NUMA1: variants seen among roughly 807,000 people sequenced by gnomAD.
The protein encoded by NUMA1 is SP-H antigen.
A neutral mutation model predicts 237.1 loss-of-function variants in NUMA1; 62 were observed. The observed-to-expected ratio is 0.26, with a 90% confidence interval of 0.21 to 0.32. The LOEUF is 0.32. NUMA1 is among the 10% of genes least tolerant of loss of function. The pLI is 1.00. For missense variants in NUMA1, 2,533 were observed against 2,666.5 expected (o/e 0.95, Z 1.10); for synonymous variants, 1,028 against 1,066.1 (o/e 0.96, Z 0.70).
In NUMA1 at chr11:72,013,148, C is replaced by T. The variant is rs751184916; in HGVS notation, c.4355G>A (p.Arg1452Gln). Residue 1452 changes from arginine (R) to glutamine (Q), a missense_variant, in exon 15 of 27, where the codon CGG becomes CAG. By Grantham distance (43) the Arg-to-Gln change is conservative (BLOSUM62 1). Coordinates refer to ENST00000393695, the MANE Select transcript of NUMA1 (RefSeq NM_006185.4). The surrounding 1 kb of genome is among the most constrained non-coding windows in gnomAD (Gnocchi z 6.8). ...AAGGTTGGCCCGCTCACCCAGCCCC[C>T]GGTTCTCCTCTGCCAGCAGGCCATG... ...KAHGLLAEENRGLGERANLGR... is the reference protein window; with the variant it reads ...KAHGLLAEENQGLGERANLGR... 3.1e-6 allele frequency: 5 copies of T among 1,613,938 alleles called. No individual in the cohort carries two copies. The highest frequency in any genetic ancestry group is 1.1e-5 in the South Asian group (1 of 91,090).
intron 4 of NUMA1, among the ~76,000 whole-genome samples, chr11:72,025,966 T>C (rs778977665): frequency 1.3e-5 from 2 of 152,124 alleles, no homozygotes; most frequent in Non-Finnish European, 2.9e-5. Context: ...GAGTATTCCA[T>C]TAACTAAAAT....
chr11:72,046,525 C>G (rs182498177), intron 2 of NUMA1, among the ~76,000 whole-genome samples: 9 of 148,472 alleles, frequency 6.1e-5, no homozygotes, highest in African/African-American at 1.0e-4. Context: ...CCCTGGGTAA[C>G]AAGGGTGAAA....
intron 2 of NUMA1, among the ~76,000 whole-genome samples, chr11:72,046,707 C>A (rs1203186970): frequency 6.6e-6 from 1 of 152,016 alleles, no homozygotes; most frequent in Non-Finnish European, 1.5e-5. Flanking sequence ...ATGCCTTAAT[C>A]CCAGAACTTT....
intron 7 of NUMA1, chr11:72,022,089 T>C (rs915754421): frequency 5.4e-6 from 2 of 369,186 alleles, no homozygotes; most frequent in Non-Finnish European, 9.9e-6. Context: ...CAGTTAAACA[T>C]ATGCACATAA....
At position 72,012,342 on chromosome 11, in the gene NUMA1, T is replaced by G. The variant is rs372088725; in HGVS notation, c.4650+59A>C. 8 of 1,545,986 alleles carry G rather than the reference T, an allele frequency of 5.2e-6. No homozygotes were observed. The South Asian group carries it at 6.8e-5, about 13-fold the overall frequency. ...CGGAGGCAAGCTGCAGCCGGGCTCA[T>G]GCACCAAGACTGGTCACCGTTTAAG... On this transcript the variant is annotated intron_variant, in intron 16 of 26. Coordinates refer to ENST00000393695, the MANE Select transcript of NUMA1 (RefSeq NM_006185.4).
intron 2 of NUMA1, among the ~76,000 whole-genome samples, chr11:72,045,195 T>G (rs1470680485): frequency 6.7e-6 from 1 of 149,880 alleles, no homozygotes; most frequent in Non-Finnish European, 1.5e-5. Flanking sequence ...ATGTCAGGTT[T>G]ACAAATTCAA....
chr11:72,012,800 C>T lies in NUMA1; in HGVS notation c.4608+95G>A, dbSNP rs1193009059. On this transcript the variant is annotated intron_variant, in intron 15 of 26. Coordinates refer to ENST00000393695, the MANE Select transcript of NUMA1 (RefSeq NM_006185.4). ...GTGAATGAGGAAAGGCAAGACACTC[C>T]AGTGTAGGAGCTAGAGGCCCTGGAC... 13 of 1,504,272 alleles carry T rather than the reference C, an allele frequency of 8.6e-6. 1 individual carries two copies. The East Asian group carries it at 2.5e-4, about 29-fold the overall frequency. The allele number at this position is 1,504,272 out of a possible 1,614,324, so 93.2% of individuals were successfully genotyped here.
Position 72,014,183 on chromosome 11 carries a change from G to T in NUMA1, c.3320C>A (p.Ala1107Asp). ...KEKEHASGSG[A>D]QSEAAGRTEP... ...TGTCCTGCCAGCAGCCTCAGATTGG[G>T]CTCCTGAGCCAGATGCGTGCTCCTT... Residue 1107 changes from alanine (A) to aspartate (D), a missense_variant, in exon 15 of 27, where the codon GCC becomes GAC. Physicochemically the swap from Ala to Asp is moderately radical, Grantham distance 126. This residue lies in a region of NUMA1 where 1,414 missense variants were observed against 1,508.1 expected (regional missense o/e 0.94). Coordinates refer to ENST00000393695, the MANE Select transcript of NUMA1 (RefSeq NM_006185.4). This position sits in a 1 kb window ranked among gnomAD's most constrained non-coding sequence, Gnocchi z 4.6. 3 of 1,613,880 alleles carry T rather than the reference G, an allele frequency of 1.9e-6. No homozygotes were observed. The highest frequency in any genetic ancestry group is 2.5e-6 in the Non-Finnish European group (3 of 1,180,050).
rs1417550970 is a variant in NUMA1, at chr11:72,003,392, G to C, written c.*135C>G. ...CAGGGACCAGGCCAGGGTGCGGGCA[G>C]GCATCACTGTCTCTAGGGGTTTGGC... On this transcript the variant is annotated 3_prime_UTR_variant, in exon 27 of 27. Coordinates refer to ENST00000393695, the MANE Select transcript of NUMA1 (RefSeq NM_006185.4). The C allele has an allele frequency of 2.3e-6, 2 of 862,992 alleles. No individual in the cohort carries two copies. Among genetic ancestry groups the C allele is most frequent in the Admixed American group, 1.8e-5 (1 of 54,788 alleles). The allele number at this position is 862,992 out of a possible 1,614,324, so 53.5% of individuals were successfully genotyped here.
At chr11:72,079,059 A>G (rs1182532325) in intron 1 of NUMA1, among the ~76,000 whole-genome samples, 1 of 152,210 alleles carries the variant, frequency 6.6e-6, no homozygotes, top group Non-Finnish European at 1.5e-5. Flanking sequence ...ACAGCTTAAT[A>G]CTGAGGTTCA....
rs1176298353 is a variant in NUMA1, at chr11:72,003,878, T to C, written c.6336+9A>G. On this transcript the variant is annotated intron_variant, in intron 26 of 26. Coordinates refer to ENST00000393695, the MANE Select transcript of NUMA1 (RefSeq NM_006185.4). ...GGGTTTCCCTCCCCCATCCTGCCAG[T>C]GCCTCTACCTTGCCCTTGGCTCGAG... 1 of 1,613,202 alleles carries C rather than the reference T, an allele frequency of 6.2e-7. No individual in the cohort carries two copies. The highest frequency in any genetic ancestry group is 8.5e-7 in the Non-Finnish European group (1 of 1,179,722).
chr11:72,050,642 G>T (rs931328257), intron 2 of NUMA1: 1 of 152,116 alleles, frequency 6.6e-6, no homozygotes, highest in Non-Finnish European at 1.5e-5. Context: ...GGAACGTAAG[G>T]CTCAGTAAAA....
At chr11:72,079,749 T>TA (rs72522058) in intron 1 of NUMA1, among the ~76,000 whole-genome samples, 42 of 144,704 alleles carry the variant, frequency 2.9e-4, no homozygotes, top group African/African-American at 4.6e-4. Flanking sequence ...AAACAAAAAT[T>TA]AAAAAAAAAA....
At position 72,004,111 on chromosome 11, in the gene NUMA1, G is replaced by C. The variant is rs578217932; in HGVS notation, c.6124-12C>G. The C allele has an allele frequency of 1.2e-6, 2 of 1,613,070 alleles. No homozygotes were observed. The highest frequency in any genetic ancestry group is 2.2e-5 in the South Asian group (2 of 91,046). On this transcript the variant is annotated splice_polypyrimidine_tract_variant and intron_variant, in intron 25 of 26. Transcript: ENST00000393695. ...TGGCGCCGGTCAGCCTGCAAGGAAGGGCTGTCAGACCGGGAGACCCAATGC... is the reference window on the plus strand; with the variant it reads ...TGGCGCCGGTCAGCCTGCAAGGAAGCGCTGTCAGACCGGGAGACCCAATGC...
In NUMA1 at chr11:72,013,057, G is replaced by A. The variant is rs150422543; in HGVS notation, c.4446C>T (p.Ala1482=). 1.1e-4 allele frequency: 173 copies of A among 1,614,172 alleles called. No homozygotes were observed. Among genetic ancestry groups the A allele is most frequent in the Middle Eastern group, 4.9e-4 (3 of 6,062 alleles). The change falls in exon 15 of 27, where the codon GCC becomes GCT. Residue 1482 remains alanine (A), a synonymous_variant. Transcript: ENST00000393695. This position sits in a 1 kb window ranked among gnomAD's most constrained non-coding sequence, Gnocchi z 6.8. Reference sequence around the variant, plus strand: ...GACGGGTCTCAGCATCAGCACGTACGGCTGCCAACTCTTGGACATACTTCT... The same window carrying A: ...GACGGGTCTCAGCATCAGCACGTACAGCTGCCAACTCTTGGACATACTTCT... ...AREKYVQELA[A]VRADAETRLA...
Position 72,013,045 on chromosome 11 carries a change from A to T in NUMA1, c.4458T>A (p.Asp1486Glu). The change falls in exon 15 of 27, where the codon GAT (aspartate) becomes GAA (glutamate). Residue 1486 changes from aspartate to glutamate, a missense_variant. Asp to Glu is a conservative substitution (Grantham distance 45). Coordinates refer to ENST00000393695, the MANE Select transcript of NUMA1 (RefSeq NM_006185.4). This position sits in a 1 kb window ranked among gnomAD's most constrained non-coding sequence, Gnocchi z 6.8. ...GCACCTCAGCCAGACGGGTCTCAGC[A>T]TCAGCACGTACGGCTGCCAACTCTT... ...YVQELAAVRA[D>E]AETRLAEVQR... 6.2e-7 allele frequency: 1 copy of T among 1,614,148 alleles called. No individual in the cohort carries two copies. The highest frequency in any genetic ancestry group is 8.5e-7 in the Non-Finnish European group (1 of 1,180,022).
At position 72,015,411 on chromosome 11, in the gene NUMA1, C is replaced by T. The variant is rs763463490; in HGVS notation, c.2092G>A (p.Asp698Asn). The T allele has an allele frequency of 1.9e-6, 3 of 1,611,954 alleles. No individual in the cohort carries two copies. The highest frequency in any genetic ancestry group is 2.2e-5 in the South Asian group (2 of 91,080). ...GCCTGGAGCTGCTCCTGGAGCTGGTCCTTCTCCTGGGCCACCCTTTCTTTC... is the reference window on the plus strand; with the variant it reads ...GCCTGGAGCTGCTCCTGGAGCTGGTTCTTCTCCTGGGCCACCCTTTCTTTC... ...TEKERVAQEKDQLQEQLQALK... is the reference protein window; with the variant it reads ...TEKERVAQEKNQLQEQLQALK... Residue 698 changes from aspartate to asparagine, a missense_variant, in exon 15 of 27, where the codon GAC becomes AAC. Physicochemically the swap from Asp to Asn is conservative, Grantham distance 23 (BLOSUM62 1). This residue lies in a region of NUMA1 where 1,414 missense variants were observed against 1,508.1 expected (regional missense o/e 0.94). Transcript: ENST00000393695. The surrounding 1 kb of genome is among the most constrained non-coding windows in gnomAD (Gnocchi z 4.0).
rs1386731652 is a variant in NUMA1, at chr11:72,024,261, G to A, written c.208+13C>T. On this transcript the variant is annotated intron_variant, in intron 5 of 26. Coordinates refer to ENST00000393695, the MANE Select transcript of NUMA1 (RefSeq NM_006185.4). Reference sequence around the variant, plus strand: ...AAGCAGCTTCTTCATAGCTGGATAAGAAAGGTGCTTACTCTGCAGAAAACT... The same window carrying A: ...AAGCAGCTTCTTCATAGCTGGATAAAAAAGGTGCTTACTCTGCAGAAAACT... 1.2e-6 allele frequency: 2 copies of A among 1,613,094 alleles called. No homozygotes were observed. Among genetic ancestry groups the A allele is most frequent in the East Asian group, 4.5e-5 (2 of 44,894 alleles).
intron 1 of NUMA1, among the ~76,000 whole-genome samples, chr11:72,073,784 A>G (rs1313903177): frequency 2.0e-5 from 3 of 152,000 alleles, no homozygotes; most frequent in Non-Finnish European, 4.4e-5. Context: ...TAGGATGTCA[A>G]CTCCACCACT....
Sources: gnomAD v4.1 joint callset for allele counts (sites outside exome capture counted in the v4.1 genomes callset) on GRCh38, gnomAD v4.1.1 for gene constraint, gnomAD v4.1.1 regional missense constraint, Gnocchi (gnomAD v3.1) non-coding constraint, MANE v1.5 for transcripts, NCBI Gene and HGNC (gene_info 2026-07-23, HGNC 2026-07-21) for gene names.